The following RALGAPA2 variants were observed in gnomAD, a reference collection of about 807,000 sequenced individuals.
The protein encoded by RALGAPA2 is ral GTPase-activating protein subunit alpha-2.
A neutral mutation model predicts 230.4 loss-of-function variants in RALGAPA2; 139 were observed. That is an observed-to-expected ratio of 0.60 (90% CI 0.53 to 0.69). The LOEUF is 0.69. Among genes scored for constraint, RALGAPA2 ranks in the 30% least tolerant of loss-of-function variants. The probability of loss-of-function intolerance (pLI) is 0.00; values close to 1 mark genes in which losing one functional copy is unlikely to be tolerated. For missense variants in RALGAPA2, 2,163 were observed against 2,276.0 expected (o/e 0.95, Z 1.01); for synonymous variants, 847 against 837.8 (o/e 1.01, Z -0.19).
intron 23 of RALGAPA2, among the ~76,000 whole-genome samples, chr20:20,566,502 G>C (rs760191955): frequency 1.4e-4 from 21 of 151,906 alleles, no homozygotes; most frequent in Non-Finnish European, 2.9e-4. Context: ...AATGTATATG[G>C]AGAAAGAAAA....
At chr20:20,534,897 T>C (rs1472420032) in intron 26 of RALGAPA2, among the ~76,000 whole-genome samples, 2 of 152,210 alleles carry the variant, frequency 1.3e-5, no homozygotes, top group Admixed American at 6.5e-5. Context: ...GTTGAGGTTA[T>C]CCAAAAACGC....
At chr20:20,557,263 C>A (rs1253555803) in intron 23 of RALGAPA2, among the ~76,000 whole-genome samples, 1 of 151,846 alleles carries the variant, frequency 6.6e-6, no homozygotes, top group East Asian at 1.9e-4. Context: ...GAGCCAAGAT[C>A]GTGCCACTGC....
chr20:20,681,482 C>T (rs1340762703), intron 1 of RALGAPA2, among the ~76,000 whole-genome samples: 1 of 152,140 alleles, frequency 6.6e-6, no homozygotes, highest in Non-Finnish European at 1.5e-5. Flanking sequence ...GTGACAACTC[C>T]CACTGGGGCT....
At chr20:20,603,866 A>G (rs17803841) in intron 15 of RALGAPA2, among the ~76,000 whole-genome samples, 11,300 of 152,280 alleles carry the variant, frequency 0.074, 585 homozygotes, top group East Asian at 0.16. Context: ...TCTATAAGGC[A>G]GCTGGTATTA....
intron 36 of RALGAPA2, among the ~76,000 whole-genome samples, chr20:20,490,879 C>CAT (rs2062033814): frequency 6.6e-6 from 1 of 151,352 alleles, no homozygotes; most frequent in Non-Finnish European, 1.5e-5. Flanking sequence ...CACACACACA[C>CAT]ACACACACAC....
At chr20:20,424,556 T>A (rs1319856007) in intron 37 of RALGAPA2, among the ~76,000 whole-genome samples, 1 of 152,196 alleles carries the variant, frequency 6.6e-6, no homozygotes, top group African/African-American at 2.4e-5. Flanking sequence ...TCACTCGTCC[T>A]AAAGACATCA....
chr20:20,558,704 G>A (rs1208149458), intron 23 of RALGAPA2, among the ~76,000 whole-genome samples: 1 of 150,718 alleles, frequency 6.6e-6, no homozygotes, highest in Non-Finnish European at 1.5e-5. Flanking sequence ...CAGGATTCCA[G>A]CAACAAATTA....
At chr20:20,472,692 T>C (rs1381991345) in intron 37 of RALGAPA2, 137 bp downstream of exon 37, 3 of 797,192 alleles carry the variant, frequency 3.8e-6, no homozygotes, top group East Asian at 3.0e-5. Context: ...AAAACCACTA[T>C]GTTATTTTTA....
chr20:20,537,090 C>T (rs1458453928), intron 24 of RALGAPA2, among the ~76,000 whole-genome samples: 1 of 152,142 alleles, frequency 6.6e-6, no homozygotes, highest in Non-Finnish European at 1.5e-5. Flanking sequence ...CTAATGTTCT[C>T]AACAAAGCAG....
intron 37 of RALGAPA2, among the ~76,000 whole-genome samples, chr20:20,424,489 A>G (rs758558369): frequency 4.6e-5 from 7 of 152,184 alleles, no homozygotes; most frequent in Non-Finnish European, 7.4e-5. Context: ...CAATAACTTG[A>G]TTTCTGGGAG....
rs548196919 is a variant in RALGAPA2 at position 20,546,273 on chromosome 20, C to T, written c.3285+431G>A. Among the ~76,000 whole-genome samples the T allele has an allele frequency of 2.0e-5, 3 of 152,050 alleles. No individual in the cohort carries two copies. The East Asian group carries it at 5.8e-4, about 29-fold the overall frequency. On this transcript the variant is annotated intron_variant, in intron 24 of 39. Transcript: ENST00000202677. Reference sequence around the variant, plus strand: ...TACTTCTAGTTAAGACTTTACTGTTCTAACATTTTAAGAAAATATTTTCTA... The same window carrying T: ...TACTTCTAGTTAAGACTTTACTGTTTTAACATTTTAAGAAAATATTTTCTA...
At chr20:20,616,904 T>C (rs1344278824) in intron 12 of RALGAPA2, among the ~76,000 whole-genome samples, 1 of 152,224 alleles carries the variant, frequency 6.6e-6, no homozygotes, top group Non-Finnish European at 1.5e-5. Context: ...CTCAGACCTT[T>C]AGCATACAAG....
Position 20,437,344 on chromosome 20 carries a change from C to A in RALGAPA2, c.5496-25196G>T, listed in dbSNP as rs931723506. Among the ~76,000 whole-genome samples, 1 of 152,134 alleles carries A rather than the reference C, an allele frequency of 6.6e-6. No homozygotes were observed. Among genetic ancestry groups the A allele is most frequent in the Non-Finnish European group, 1.5e-5 (1 of 68,028 alleles). Reference sequence around the variant, plus strand: ...AACCTGACCACTTGTCACCACCACACGCCACCATCCAGGCCACGCCATTGT... The same window carrying A: ...AACCTGACCACTTGTCACCACCACAAGCCACCATCCAGGCCACGCCATTGT... On this transcript the variant is annotated intron_variant, in intron 37 of 39. Coordinates refer to ENST00000202677, the MANE Select transcript of RALGAPA2 (RefSeq NM_020343.4). The surrounding 1 kb of genome is among the most constrained non-coding windows in gnomAD (Gnocchi z 4.1).
chr20:20,418,766 T>A (rs1286879961), intron 37 of RALGAPA2, among the ~76,000 whole-genome samples: 2 of 150,570 alleles, frequency 1.3e-5, no homozygotes, highest in Non-Finnish European at 1.5e-5. Flanking sequence ...ATAGACAGGG[T>A]CTCACTGTGT....
chr20:20,602,396 T>C (rs897680957), intron 15 of RALGAPA2, among the ~76,000 whole-genome samples: 1 of 152,246 alleles, frequency 6.6e-6, no homozygotes, highest in East Asian at 1.9e-4. Context: ...TAAAACATTG[T>C]AGTCTGAGAT....
intron 35 of RALGAPA2, among the ~76,000 whole-genome samples, chr20:20,501,280 AC>A (rs2062368241): frequency 6.6e-6 from 1 of 152,376 alleles, no homozygotes; most frequent in East Asian, 1.9e-4. Flanking sequence ...GGCTGTTTTT[AC>A]TACACTGAAA....
chr20:20,647,544 T>C (rs1461207969), intron 4 of RALGAPA2, among the ~76,000 whole-genome samples: 1 of 152,232 alleles, frequency 6.6e-6, no homozygotes, highest in Non-Finnish European at 1.5e-5. Context: ...CTTTGTGACT[T>C]TGGGTTAGGC....
intron 37 of RALGAPA2, among the ~76,000 whole-genome samples, chr20:20,429,369 T>G (rs1445469179): frequency 6.6e-6 from 1 of 152,228 alleles, no homozygotes; most frequent in Non-Finnish European, 1.5e-5. Context: ...AGAATAAGGA[T>G]AGATAAATTA....
intron 37 of RALGAPA2, among the ~76,000 whole-genome samples, chr20:20,441,358 T>C (rs2060734866): frequency 6.6e-6 from 1 of 152,198 alleles, no homozygotes; most frequent in Admixed American, 6.5e-5. Flanking sequence ...TGCCAATGTT[T>C]AGGTGGAAGG....
Sources: allele counts gnomAD v4.1 joint callset (sites outside exome capture counted in the v4.1 genomes callset), GRCh38; gene constraint gnomAD v4.1.1; non-coding constraint Gnocchi (gnomAD v3.1); transcripts MANE v1.5; gene names NCBI Gene and HGNC (gene_info 2026-07-23, HGNC 2026-07-21).